The following GRIK3 variants were observed in gnomAD, a reference collection of about 807,000 sequenced individuals.
The protein encoded by GRIK3 is glutamate ionotropic receptor kainate type subunit 3.
A neutral mutation model predicts 102.5 loss-of-function variants in GRIK3; 29 were observed. That is an observed-to-expected ratio of 0.28 (90% CI 0.21 to 0.39). GRIK3 has a LOEUF of 0.39. Ranked by LOEUF, GRIK3 falls within the 10% of genes least tolerant of loss-of-function variation. GRIK3 has a pLI of 1.00. For synonymous variants in GRIK3, 511 were observed against 504.9 expected (o/e 1.01, Z -0.16); for missense variants, 908 against 1,252.4 (o/e 0.73, Z 4.15).
intron 1 of GRIK3, among the ~76,000 whole-genome samples, chr1:36,894,078 G>A (rs1211275250): frequency 6.6e-6 from 1 of 152,072 alleles, no homozygotes; most frequent in Non-Finnish European, 1.5e-5. Context: ...ATGATTTTTA[G>A]TAAATTTACT....
At position 36,919,642 on chromosome 1, in the gene GRIK3, T is replaced by C. The variant is rs569469788; in HGVS notation, c.116-28546A>G. Among the ~76,000 whole-genome samples, 59 of 152,262 alleles carry C rather than the reference T, an allele frequency of 3.9e-4. No individual in the cohort carries two copies. The South Asian group carries it at 3.9e-3, about 10-fold the overall frequency. On this transcript the variant is annotated intron_variant, in intron 1 of 15. Transcript: ENST00000373091. ...AGGTATCAGTTTTTCTCACTCTCTG[T>C]CTCAGAACAGAAATGCTGCCTCAAG...
At chr1:37,029,979 C>T (rs1642803057) in intron 1 of GRIK3, among the ~76,000 whole-genome samples, 1 of 152,210 alleles carries the variant, frequency 6.6e-6, no homozygotes, top group Admixed American at 6.5e-5. Flanking sequence ...TAAACCACCT[C>T]TAAAGACCCT....
chr1:36,988,925 A>G (rs907522778), intron 1 of GRIK3, among the ~76,000 whole-genome samples: 1 of 152,138 alleles, frequency 6.6e-6, no homozygotes, highest in Non-Finnish European at 1.5e-5. Context: ...AGGGCTGACA[A>G]TGAAGTATTT....
intron 1 of GRIK3, among the ~76,000 whole-genome samples, chr1:36,978,399 C>T (rs80200343): frequency 0.032 from 4,828 of 152,300 alleles, 258 homozygotes; most frequent in African/African-American, 0.11. Context: ...TTTATGGACT[C>T]GGCTAGAAAG....
At position 36,819,696 on chromosome 1, in the gene GRIK3, G is replaced by T; in HGVS notation, c.1873+40C>A. ...AGAGGCTGAAGACCGCTTGGGGAAA[G>T]CAGACCCTGGAAGGGGAGGCCCTGG... On this transcript the variant is annotated intron_variant, in intron 12 of 15. Transcript: ENST00000373091. The surrounding 1 kb of genome is among the most constrained non-coding windows in gnomAD (Gnocchi z 4.1). The T allele has an allele frequency of 9.5e-7, 1 of 1,057,240 alleles. No homozygotes were observed. The highest frequency in any genetic ancestry group is 1.5e-6 in the Non-Finnish European group (1 of 672,100). 65.5% of individuals were successfully genotyped at this position (1,057,240 alleles called of 1,614,324 possible). A position where few individuals can be genotyped will look rare whatever the true frequency, so the allele number is the denominator to read the frequency against.
At chr1:36,903,635 G>A (rs527314) in intron 1 of GRIK3, among the ~76,000 whole-genome samples, 6,794 of 152,194 alleles carry the variant, frequency 0.045, 404 homozygotes, top group African/African-American at 0.13. Flanking sequence ...TATTCAGCAC[G>A]TAAAAGAAAT....
chr1:36,836,331 C>G (rs1359061913), intron 10 of GRIK3, among the ~76,000 whole-genome samples: 1 of 152,266 alleles, frequency 6.6e-6, no homozygotes, highest in East Asian at 1.9e-4. Context: ...CACGACCCCA[C>G]AACAACCATG....
chr1:36,808,018 T>G (rs1642519174), intron 13 of GRIK3, among the ~76,000 whole-genome samples: 1 of 152,202 alleles, frequency 6.6e-6, no homozygotes, highest in African/African-American at 2.4e-5. Context: ...CTGCAATCCC[T>G]GCCTCCAAAC....
chr1:37,003,018 G>GTTTTTTTTTTTT (rs1306169886), intron 1 of GRIK3, among the ~76,000 whole-genome samples: 1 of 82,578 alleles, frequency 1.2e-5, no homozygotes, highest in African/African-American at 4.9e-5. Context: ...AATAAAAGCT[G>GTTTTTTTTTTTT]TTGTTTTTTT....
intron 1 of GRIK3, among the ~76,000 whole-genome samples, chr1:37,003,860 C>T (rs1050026090): frequency 6.6e-6 from 1 of 152,196 alleles, no homozygotes; most frequent in African/African-American, 2.4e-5. Flanking sequence ...CTGTGCCCCC[C>T]TCGTCACCCC....
intron 9 of GRIK3, among the ~76,000 whole-genome samples, chr1:36,842,609 CAG>C (rs1640470468): frequency 6.6e-6 from 1 of 151,936 alleles, no homozygotes; most frequent in Non-Finnish European, 1.5e-5. Flanking sequence ...TTACTGGTAA[CAG>C]GGACAGCTCA....
At chr1:36,949,240 C>A (rs1185564189) in intron 1 of GRIK3, among the ~76,000 whole-genome samples, 3 of 152,186 alleles carry the variant, frequency 2.0e-5, no homozygotes, top group African/African-American at 7.2e-5. Context: ...CCAGACTGAA[C>A]CTTGACCTTA....
chr1:36,848,592 A>G (rs1640545198), intron 9 of GRIK3, among the ~76,000 whole-genome samples: 1 of 151,244 alleles, frequency 6.6e-6, no homozygotes, highest in Non-Finnish European at 1.5e-5. Context: ...TTTCCTTTTT[A>G]TCTCATTCCT....
chr1:36,972,712 A>G (rs1642156821), intron 1 of GRIK3, among the ~76,000 whole-genome samples: 1 of 152,178 alleles, frequency 6.6e-6, no homozygotes, highest in South Asian at 2.1e-4. Context: ...CCCAACAACC[A>G]TGCAAGACAG....
intron 1 of GRIK3, among the ~76,000 whole-genome samples, chr1:36,980,205 C>T (rs773582189): frequency 1.2e-4 from 18 of 152,168 alleles, no homozygotes; most frequent in Admixed American, 9.2e-4. Flanking sequence ...CAGGCCATAA[C>T]CCTGCTTAAT....
intron 1 of GRIK3, among the ~76,000 whole-genome samples, chr1:36,891,532 C>A (rs1641117144): frequency 6.6e-6 from 1 of 152,136 alleles, no homozygotes; most frequent in South Asian, 2.1e-4. Flanking sequence ...TCACAAAATG[C>A]AAGATGGCAT....
At chr1:36,848,123 T>A (rs569010914) in intron 9 of GRIK3, among the ~76,000 whole-genome samples, 1 of 152,356 alleles carries the variant, frequency 6.6e-6, no homozygotes, top group African/African-American at 2.4e-5. Flanking sequence ...CTGCCTCTGC[T>A]TATGTAGCAA....
At chr1:36,815,711 C>T (rs1049797916) in intron 13 of GRIK3, among the ~76,000 whole-genome samples, 2 of 152,164 alleles carry the variant, frequency 1.3e-5, no homozygotes, top group African/African-American at 4.8e-5. Context: ...ATCTAGACCT[C>T]CTGAGTCAGA....
At chr1:36,854,942 C>A (rs948575086) in intron 7 of GRIK3, among the ~76,000 whole-genome samples, 1 of 152,168 alleles carries the variant, frequency 6.6e-6, no homozygotes, top group Non-Finnish European at 1.5e-5. Flanking sequence ...AAACTAGAAC[C>A]CGTGATCCCA....
Sources: allele counts gnomAD v4.1 joint callset (sites outside exome capture counted in the v4.1 genomes callset), GRCh38; gene constraint gnomAD v4.1.1; non-coding constraint Gnocchi (gnomAD v3.1); transcripts MANE v1.5; gene names NCBI Gene and HGNC (gene_info 2026-07-23, HGNC 2026-07-21).